The following ARNT variants were observed in gnomAD, a reference collection of about 807,000 sequenced individuals.
The protein encoded by ARNT is aryl hydrocarbon receptor nuclear translocator, also known as class E basic helix-loop-helix protein 2.
ARNT carries 30 observed loss-of-function variants against 105.0 expected under a neutral mutation model. The observed-to-expected ratio is 0.29, with a 90% CI of 0.21 to 0.39. The LOEUF (loss-of-function observed/expected upper bound fraction) is 0.39, where lower values mean the gene tolerates loss of function less well. ARNT is among the 10% of genes least tolerant of loss of function. The pLI, the probability that ARNT is intolerant of heterozygous loss-of-function variation, is 1.00. For missense variants in ARNT, 748 were observed against 978.7 expected, an observed-to-expected ratio of 0.76 and a Z score of 3.15; for synonymous variants, 304 against 344.0, an observed-to-expected ratio of 0.88 and a Z score of 1.29.
intron 1 of ARNT, among the ~76,000 whole-genome samples, chr1:150,875,168 T>C (rs1424626861): frequency 2.0e-5 from 3 of 152,202 alleles, no homozygotes; most frequent in Non-Finnish European, 4.4e-5. Flanking sequence ...AGGTTTGACA[T>C]AACGGCATTT....
chr1:150,836,517 G>A, intron 6 of ARNT, 24 bp from the exon 7 acceptor site: 1 of 1,604,498 alleles, frequency 6.2e-7, no homozygotes, highest in Non-Finnish European at 8.5e-7. Flanking sequence ...AGAAATAGAA[G>A]TTAATATTTT....
chr1:150,816,056 T>TG (rs1655803302), intron 19 of ARNT, among the ~76,000 whole-genome samples: 1 of 152,042 alleles, frequency 6.6e-6, no homozygotes, highest in African/African-American at 2.4e-5. Flanking sequence ...TGATTTAAGG[T>TG]GAAAACCACA....
At chr1:150,853,150 G>A (rs1243940034) in intron 2 of ARNT, 15 of 310,746 alleles carry the variant, frequency 4.8e-5, no homozygotes, top group Admixed American at 1.9e-4. Flanking sequence ...GCATGGTGGC[G>A]GGTGCCTGTA....
In ARNT at chr1:150,875,234, C is replaced by G. The variant is rs191193642; in HGVS notation, c.25+1309G>C. ...AGCACTTCCTGCAATGTAATTTTTG[C>G]GATTAATTTTACCTCCCTTTCCTTC... On this transcript the variant is annotated intron_variant, in intron 1 of 21. Coordinates refer to ENST00000358595, the MANE Select transcript of ARNT (RefSeq NM_001668.4). Among the ~76,000 whole-genome samples the G allele has an allele frequency of 6.2e-3, 938 of 151,606 alleles. 3 individuals carry two copies. Among genetic ancestry groups the G allele is most frequent in the Non-Finnish European group, 0.011 (731 of 67,936 alleles).
At chr1:150,846,430 A>C (rs928318812) in intron 3 of ARNT, 123 bp from the exon 4 acceptor site, 8 of 879,998 alleles carry the variant, frequency 9.1e-6, no homozygotes, top group Non-Finnish European at 1.4e-5. Flanking sequence ...AAAGCATCAC[A>C]AAGTGATAGA....
chr1:150,846,516 T>C (rs1315791482), intron 3 of ARNT, among the ~76,000 whole-genome samples: 1 of 152,152 alleles, frequency 6.6e-6, no homozygotes, highest in Non-Finnish European at 1.5e-5. Context: ...TCCATTACCC[T>C]TACCAGACAC....
intron 3 of ARNT, among the ~76,000 whole-genome samples, chr1:150,851,262 G>A (rs1015807569): frequency 5.4e-5 from 8 of 147,034 alleles, no homozygotes; most frequent in African/African-American, 2.5e-5. Context: ...CCGCCCAGCC[G>A]CCGCCCCGTC....
chr1:150,830,172 C>G, intron 10 of ARNT, 192 bp from the exon 11 acceptor site: 1 of 540,884 alleles, frequency 1.8e-6, no homozygotes, highest in South Asian at 2.3e-5. Flanking sequence ...ACAGTGAAAC[C>G]CCATCTCTAC....
chr1:150,816,221 A>T, intron 19 of ARNT, 38 bp downstream of exon 19: 1 of 1,562,746 alleles, frequency 6.4e-7, no homozygotes, highest in Non-Finnish European at 8.6e-7. Context: ...AACAAACAAA[A>T]AATAATACAC....
Position 150,823,310 on chromosome 1 carries a change from C to T in ARNT, c.1278G>A (p.Met426Ile). 6.2e-7 allele frequency: 1 copy of T among 1,613,346 alleles called. No homozygotes were observed. The highest frequency in any genetic ancestry group is 8.5e-7 in the Non-Finnish European group (1 of 1,179,396). ...CTTGGTTCTTAGACCGGAACCGGAA[C>T]ATGACAGACAGCACTTGGCCTTTTA... ...VKLKGQVLSV[M>I]FRFRSKNQEW... Residue 426 changes from methionine (M) to isoleucine (I), a missense_variant, in exon 14 of 22, where the codon ATG becomes ATA. Coordinates refer to ENST00000358595, the MANE Select transcript of ARNT (RefSeq NM_001668.4).
chr1:150,857,060 C>G (rs1202348812), intron 2 of ARNT, among the ~76,000 whole-genome samples: 1 of 152,102 alleles, frequency 6.6e-6, no homozygotes, highest in Admixed American at 6.6e-5. Context: ...CAAAAGAAAC[C>G]GTAAGTCACC....
chr1:150,873,019 T>C (rs929008458), intron 1 of ARNT, among the ~76,000 whole-genome samples: 1 of 151,850 alleles, frequency 6.6e-6, no homozygotes, highest in Admixed American at 6.6e-5. Context: ...GCACGGTGAC[T>C]CAAGCCTGTA....
chr1:150,872,124 T>C (rs1463847449), intron 1 of ARNT, among the ~76,000 whole-genome samples: 1 of 151,560 alleles, frequency 6.6e-6, no homozygotes, highest in Non-Finnish European at 1.5e-5. Context: ...GCCCGGAAAA[T>C]TTTTTGTATT....
In ARNT at chr1:150,817,154, C is replaced by T. The variant is rs1656055570; in HGVS notation, c.1627G>A (p.Glu543Lys). 1 of 1,614,094 alleles carries T rather than the reference C, an allele frequency of 6.2e-7. No individual in the cohort carries two copies. The highest frequency in any genetic ancestry group is 1.3e-5 in the African/African-American group (1 of 74,932). Residue 543 changes from glutamate (E) to lysine (K), a missense_variant, in exon 17 of 22, where the codon GAG becomes AAG. This residue lies in a region of ARNT where 360 missense variants were observed against 411.9 expected (regional missense o/e 0.87). Transcript: ENST00000358595. Reference sequence around the variant, plus strand: ...TGGGCAAATAAACCATCTGACTTCTCAAGGGGCTTGCTGTGTTCTGGTCCT... The same window carrying T: ...TGGGCAAATAAACCATCTGACTTCTTAAGGGGCTTGCTGTGTTCTGGTCCT... The part of the protein sequence containing the change: ...TTGPEHSKPL[E>K]KSDGLFAQDR...
chr1:150,861,506 T>C (rs1380692048), intron 1 of ARNT, among the ~76,000 whole-genome samples: 1 of 152,160 alleles, frequency 6.6e-6, no homozygotes, highest in Admixed American at 6.5e-5. Flanking sequence ...TATCTACAGG[T>C]TAACGGATAA....
At chr1:150,849,513 C>T (rs1309937293) in intron 3 of ARNT, among the ~76,000 whole-genome samples, 1 of 151,906 alleles carries the variant, frequency 6.6e-6, no homozygotes, top group South Asian at 2.1e-4. Context: ...AGGCCGGGTA[C>T]AGTGGCTCAT....
chr1:150,841,052 A>G (rs1251212227), intron 5 of ARNT, among the ~76,000 whole-genome samples: 3 of 147,066 alleles, frequency 2.0e-5, no homozygotes, highest in Non-Finnish European at 4.5e-5. Flanking sequence ...GGGTTCAAGC[A>G]ATTCTGCTAT....
chr1:150,823,785 T>G (rs1199901193), intron 13 of ARNT, among the ~76,000 whole-genome samples: 1 of 147,132 alleles, frequency 6.8e-6, no homozygotes, highest in Admixed American at 6.8e-5. Context: ...CTCCTGACCT[T>G]GTGATCCGCC....
intron 19 of ARNT, 143 bp downstream of exon 19, chr1:150,816,116 C>T: frequency 1.9e-6 from 2 of 1,070,880 alleles, no homozygotes; most frequent in East Asian, 2.9e-5. Flanking sequence ...ATTAGCTACT[C>T]TCAACAAAGA....
Sources: gnomAD v4.1 joint callset for allele counts (sites outside exome capture counted in the v4.1 genomes callset) on GRCh38, gnomAD v4.1.1 for gene constraint, gnomAD v4.1.1 regional missense constraint, MANE v1.5 for transcripts, NCBI Gene and HGNC (gene_info 2026-07-23, HGNC 2026-07-21) for gene names.